The following TUT7 variants were observed in gnomAD, a reference collection of about 807,000 sequenced individuals.
TUT7 encodes the protein terminal uridylyltransferase 7.
A neutral mutation model predicts 165.9 loss-of-function variants in TUT7; 33 were observed. The ratio of observed to expected loss-of-function variants is 0.20; its 90% CI spans 0.15 to 0.27. The LOEUF is 0.27. Among genes scored for constraint, TUT7 ranks in the 10% least tolerant of loss-of-function variants. TUT7 has a pLI of 1.00. For synonymous variants in TUT7, 552 were observed against 608.1 expected (o/e 0.91, Z 1.36); for missense variants, 1,338 against 1,762.3 (o/e 0.76, Z 4.31).
chr9:86,335,175 T>C (rs919022156), intron 10 of TUT7, among the ~76,000 whole-genome samples: 1 of 152,192 alleles, frequency 6.6e-6, no homozygotes, highest in African/African-American at 2.4e-5. Context: ...CAGAATGACA[T>C]TGAGGCTCAG....
Position 86,303,122 on chromosome 9 carries a change from AT to A in TUT7, c.4057del (p.Ile1353SerfsTer5). 6.2e-7 allele frequency: 1 copy of A among 1,610,642 alleles called. No individual in the cohort carries two copies. Among genetic ancestry groups the A allele is most frequent in the South Asian group, 1.1e-5 (1 of 90,548 alleles). ...NDRCCRICGKIGHFMKDCPMR... is the reference protein window; with the variant it reads ...NDRCCRICGKXGHFMKDCPMR... ...AGGACAGTCCTTCATGAAGTGTCCGATTTTTCCACAAATTCGACAACATCTA... is the reference window on the plus strand; with the variant it reads ...AGGACAGTCCTTCATGAAGTGTCCGATTTTCCACAAATTCGACAACATCTA... On this transcript the variant is annotated frameshift_variant, in exon 25 of 27. Coordinates refer to ENST00000375963, the MANE Select transcript of TUT7 (RefSeq NM_024617.4). LOFTEE classifies it high-confidence loss of function.
At chr9:86,337,658 G>T in intron 9 of TUT7, 120 bp from the exon 10 acceptor site, 1 of 1,191,530 alleles carries the variant, frequency 8.4e-7, no homozygotes, top group Non-Finnish European at 1.2e-6. Flanking sequence ...TAATTCTTCA[G>T]CTGAAAATAG....
At chr9:86,333,539 T>C (rs1474932545) in intron 10 of TUT7, among the ~76,000 whole-genome samples, 2 of 152,260 alleles carry the variant, frequency 1.3e-5, no homozygotes, top group South Asian at 2.1e-4. Flanking sequence ...TCTGTTATAA[T>C]TTTTTGGATT....
At chr9:86,334,777 T>A (rs1209613948) in intron 10 of TUT7, among the ~76,000 whole-genome samples, 2 of 152,144 alleles carry the variant, frequency 1.3e-5, no homozygotes, top group African/African-American at 4.8e-5. Flanking sequence ...ATCTTTCCTT[T>A]CAGTTCCTCC....
Position 86,301,578 on chromosome 9 carries a change from T to C in TUT7, c.4118A>G (p.Glu1373Gly). The change falls in exon 26 of 27, where the codon GAA becomes GGA. Residue 1373 changes from glutamate (E) to glycine (G), a missense_variant. Around this residue, in one of 7 missense-constraint regions of TUT7, gnomAD observed 167 missense variants for 204.9 expected, o/e 0.82. Transcript: ENST00000375963. ...AGGGTATCTTTGGTTCAGGGCATCT[T>C]CCTGATCTCGCCGCCGTCTTACTCT... is the stretch of plus-strand genomic sequence containing the variant. ...RRKVRRRRDQ[E>G]DALNQRYPEN... 6.2e-7 allele frequency: 1 copy of C among 1,613,692 alleles called. No homozygotes were observed. The highest frequency in any genetic ancestry group is 8.5e-7 in the Non-Finnish European group (1 of 1,179,956).
chr9:86,300,215 C>T (rs1244840716), intron 26 of TUT7, among the ~76,000 whole-genome samples: 1 of 152,022 alleles, frequency 6.6e-6, no homozygotes, highest in East Asian at 1.9e-4. Flanking sequence ...TTGATCTTTT[C>T]ATATAAAGCT....
At chr9:86,345,632 C>T (rs1459472112) in intron 4 of TUT7, 37 bp downstream of exon 4, 1 of 1,455,630 alleles carries the variant, frequency 6.9e-7, no homozygotes, top group Non-Finnish European at 9.6e-7. Flanking sequence ...TAACAACTAA[C>T]AAGTAAGCAG....
intron 2 of TUT7, among the ~76,000 whole-genome samples, chr9:86,346,956 C>T (rs1182116830): frequency 6.6e-6 from 1 of 152,090 alleles, no homozygotes; most frequent in Non-Finnish European, 1.5e-5. Flanking sequence ...CTCAATAAGG[C>T]AAAATGCAAA....
intron 26 of TUT7, among the ~76,000 whole-genome samples, chr9:86,296,038 G>A (rs1272813088): frequency 2.0e-5 from 3 of 152,104 alleles, no homozygotes; most frequent in Admixed American, 2.0e-4. Flanking sequence ...ACATACTTAT[G>A]TTAAAAATTT....
chr9:86,326,292 G>A (rs1346326106), intron 11 of TUT7: 3 of 153,934 alleles, frequency 1.9e-5, no homozygotes, highest in South Asian at 4.1e-4. Context: ...TGTACTAGCT[G>A]TGTATGATCT....
intron 26 of TUT7, among the ~76,000 whole-genome samples, chr9:86,293,859 C>T (rs1274056933): frequency 2.0e-5 from 3 of 152,026 alleles, no homozygotes; most frequent in Non-Finnish European, 2.9e-5. Flanking sequence ...ATTCTCCTGC[C>T]CTCAGCCTCC....
chr9:86,300,408 A>G (rs1043556852), intron 26 of TUT7, among the ~76,000 whole-genome samples: 4 of 152,222 alleles, frequency 2.6e-5, no homozygotes. Context: ...ACATATATAT[A>G]CAACTGAGGA....
rs1257997462 is a variant in TUT7, at chr9:86,325,606, C to A, written c.1609-92G>T. 2.5e-6 allele frequency: 3 copies of A among 1,197,152 alleles called. No individual in the cohort carries two copies. The African/African-American group carries it at 4.6e-5, about 18-fold the overall frequency. The allele number at this position is 1,197,152 out of a possible 1,614,324, so 74.2% of individuals were successfully genotyped here. The stretch of plus-strand genomic sequence containing the variant: ...CATTTAAGCATCAAATTAAAAAAAT[C>A]TGGAAAACCTTAACAAAGATATAAG... On this transcript the variant is annotated intron_variant, in intron 11 of 26. Transcript: ENST00000375963.
rs765354660 is a variant in TUT7 at position 86,341,017 on chromosome 9, A to G, written c.1123T>C (p.Cys375Arg). 1 of 1,611,900 alleles carries G rather than the reference A, an allele frequency of 6.2e-7. No homozygotes were observed. The highest frequency in any genetic ancestry group is 8.5e-7 in the Non-Finnish European group (1 of 1,178,930). The change falls in exon 7 of 27, where the codon TGT becomes CGT. Residue 375 changes from cysteine to arginine, a missense_variant. Transcript: ENST00000375963. ...QPDVLLLVQE[C>R]LKNSDSFIDV... Reference sequence around the variant, plus strand: ...TTGGCCTTACCACTGTTCTTTAAACATTCTTGAACAAGTAAGAGGACATCT... The same window carrying G: ...TTGGCCTTACCACTGTTCTTTAAACGTTCTTGAACAAGTAAGAGGACATCT...
rs12346114 is a variant in TUT7 at position 86,316,713 on chromosome 9, C to G, written c.3274+506G>C. ...CCAATTCCTCAGTCTTTCATACTTA[C>G]GCATACAAGATTTTAAAAAGACATT... On this transcript the variant is annotated intron_variant, in intron 17 of 26. Transcript: ENST00000375963. Among the ~76,000 whole-genome samples the G allele has an allele frequency of 1.6e-3, 248 of 152,214 alleles. 2 individuals carry two copies. The highest frequency in any genetic ancestry group is 5.5e-3 in the African/African-American group (229 of 41,510).
intron 5 of TUT7, 186 bp downstream of exon 5, chr9:86,344,791 G>C (rs1831613151): frequency 1.7e-6 from 1 of 573,236 alleles, no homozygotes; most frequent in Non-Finnish European, 3.0e-6. Flanking sequence ...GGTTTATAAT[G>C]ACAATGCATA....
At chr9:86,329,523 CAAAAA>C (rs56393103) in intron 10 of TUT7, among the ~76,000 whole-genome samples, 1 of 132,660 alleles carries the variant, frequency 7.5e-6, no homozygotes. Context: ...AACTCCATCT[CAAAAA>C]AAAAAAAACA....
At chr9:86,338,210 CTTT>C (rs1156700714) in intron 9 of TUT7, among the ~76,000 whole-genome samples, 6 of 135,384 alleles carry the variant, frequency 4.4e-5, no homozygotes, top group Non-Finnish European at 3.2e-5. Flanking sequence ...CATGGAATCT[CTTT>C]TTTTTTTTTT....
At chr9:86,327,027 A>AT (rs1829854094) in intron 11 of TUT7, among the ~76,000 whole-genome samples, 1 of 152,218 alleles carries the variant, frequency 6.6e-6, no homozygotes, top group African/African-American at 2.4e-5. Flanking sequence ...ATTTTTCTCA[A>AT]TCACAAAGGT....
Sources: allele counts gnomAD v4.1 joint callset (sites outside exome capture counted in the v4.1 genomes callset), GRCh38; gene constraint gnomAD v4.1.1; regional missense constraint gnomAD v4.1.1; transcripts MANE v1.5; gene names NCBI Gene and HGNC (gene_info 2026-07-23, HGNC 2026-07-21).